The following SHANK1 variants were observed in gnomAD, a reference collection of about 807,000 sequenced individuals.
SHANK1 encodes SH3 and multiple ankyrin repeat domains protein 1.
A neutral mutation model predicts 165.6 loss-of-function variants in SHANK1; 35 were observed. That is an observed-to-expected ratio of 0.21 (90% confidence interval 0.16 to 0.28). The LOEUF (loss-of-function observed/expected upper bound fraction) is 0.28. Ranked by LOEUF, SHANK1 falls within the 10% of genes least tolerant of loss-of-function variation. The probability of loss-of-function intolerance (pLI) is 1.00; values close to 1 mark genes in which losing one functional copy is unlikely to be tolerated. For missense variants in SHANK1, 2,681 were observed against 3,036.4 expected, an observed-to-expected ratio of 0.88 and a Z score of 2.75; for synonymous variants, 1,428 against 1,384.8, an observed-to-expected ratio of 1.03 and a Z score of -0.69.
At chr19:50,689,114 C>T in intron 16 of SHANK1, 83 bp downstream of exon 16, 1 of 1,260,722 alleles carries the variant, frequency 7.9e-7, no homozygotes, top group Non-Finnish European at 1.2e-6. Flanking sequence ...GCTGGGGTCC[C>T]TTCCCCTTTC....
At chr19:50,695,626 A>G (rs1368226666) in intron 15 of SHANK1, among the ~76,000 whole-genome samples, 1 of 151,040 alleles carries the variant, frequency 6.6e-6, no homozygotes, top group Non-Finnish European at 1.5e-5. Flanking sequence ...AGCCGCGTGC[A>G]CGGACGCGCG....
chr19:50,664,213 G>A (rs1223035059), intron 23 of SHANK1, among the ~76,000 whole-genome samples: 1 of 151,502 alleles, frequency 6.6e-6, no homozygotes, highest in Non-Finnish European at 1.5e-5. Flanking sequence ...GACACATTTG[G>A]ATAGCAGACC....
At chr19:50,705,662 T>C (rs2088929791) in intron 8 of SHANK1, among the ~76,000 whole-genome samples, 1 of 152,152 alleles carries the variant, frequency 6.6e-6, no homozygotes, top group African/African-American at 2.4e-5. Context: ...CAACCAAAAA[T>C]GTCTCTAGAC....
chr19:50,669,322 G>C, intron 22 of SHANK1, 37 bp from the exon 23 acceptor site: 11 of 1,426,296 alleles, frequency 7.7e-6, no homozygotes, highest in African/African-American at 1.4e-5. Context: ...GGGGACCCTG[G>C]CGGGGAGGGT....
chr19:50,702,522 G>C lies in SHANK1; in HGVS notation c.1692C>G (p.Ser564=). The C allele has an allele frequency of 6.2e-7, 1 of 1,613,366 alleles. No individual in the cohort carries two copies. Residue 564 remains serine, a synonymous_variant, in exon 12 of 24, where the codon TCC becomes TCG. Transcript: ENST00000293441. The surrounding 1 kb of genome is among the most constrained non-coding windows in gnomAD (Gnocchi z 5.3). ...TCTCCCCCTCGGCTTGGGCCTGGTA[G>C]GACTTCACAGCCATGAAGGAGCGTC... is the stretch of plus-strand genomic sequence containing the variant. ...VPGRSFMAVK[S]YQAQAEGEIS...
chr19:50,676,281 T>C (rs149238914), intron 21 of SHANK1, among the ~76,000 whole-genome samples: 103 of 152,100 alleles, frequency 6.8e-4, no homozygotes, highest in African/African-American at 2.4e-3. Flanking sequence ...CCTGCTTGGG[T>C]AACGGAACAA....
In SHANK1 at chr19:50,697,725, G is replaced by A. The variant is rs576658527; in HGVS notation, c.1862-61C>T. On this transcript the variant is annotated intron_variant, in intron 13 of 23. Transcript: ENST00000293441. The surrounding 1 kb of genome is among the most constrained non-coding windows in gnomAD (Gnocchi z 4.7). ...TTTGGAAACCACAATCCCAGCCCTA[G>A]AGCTCCTGGCCCAAGTCTTCCCATC... 6.4e-7 allele frequency: 1 copy of A among 1,573,928 alleles called. No individual in the cohort carries two copies. Among genetic ancestry groups the A allele is most frequent in the Non-Finnish European group, 8.7e-7 (1 of 1,144,258 alleles).
Position 50,697,621 on chromosome 19 carries a change from G to C in SHANK1, c.1905C>G (p.Thr635=). The C allele has an allele frequency of 1.2e-6, 2 of 1,614,012 alleles. No individual in the cohort carries two copies. The highest frequency in any genetic ancestry group is 1.3e-5 in the African/African-American group (1 of 75,024). ...DKAKRLFRHY[T]VGSYDSFDAP... ...CATCAAAGCTGTCGTAGGAGCCCAC[G>C]GTATAATGCCGGAAGAGTCTCTTTG... The change falls in exon 14 of 24, where the codon ACC becomes ACG. Residue 635 remains threonine (T), a synonymous_variant. Coordinates refer to ENST00000293441, the MANE Select transcript of SHANK1 (RefSeq NM_016148.5). This position sits in a 1 kb window ranked among gnomAD's most constrained non-coding sequence, Gnocchi z 4.7.
Position 50,697,039 on chromosome 19 carries a change from C to CT in SHANK1, c.1964+56_1964+57insA. 1 of 1,465,470 alleles carries CT rather than the reference C, an allele frequency of 6.8e-7. No individual in the cohort carries two copies. Among genetic ancestry groups the CT allele is most frequent in the Non-Finnish European group, 9.6e-7 (1 of 1,044,554 alleles). 90.8% of individuals were successfully genotyped at this position (1,465,470 alleles called of 1,614,324 possible). ...CGTGCACACACGTTCACACGCCCCC[C>CT]AGGCACCCCGTCCTTCCCCTCCTGA... On this transcript the variant is annotated intron_variant, in intron 15 of 23. Transcript: ENST00000293441. The surrounding 1 kb of genome is among the most constrained non-coding windows in gnomAD (Gnocchi z 4.7).
rs934760588 is a variant in SHANK1, at chr19:50,670,471, A to G, written c.2675-1186T>C. The stretch of plus-strand genomic sequence containing the variant: ...ATCCCCTTCAATCTAGTCCCTTCAC[A>G]GCAGCCAGAGGGTTTCTGTTAAAAC... On this transcript the variant is annotated intron_variant, in intron 22 of 23. Transcript: ENST00000293441. The surrounding 1 kb of genome is among the most constrained non-coding windows in gnomAD (Gnocchi z 4.1). 7.2e-5 allele frequency among the ~76,000 whole-genome samples: 11 copies of G among 152,088 alleles called. No homozygotes were observed. Among genetic ancestry groups the G allele is most frequent in the Non-Finnish European group, 1.3e-4 (9 of 68,024 alleles).
chr19:50,702,620 C>G lies in SHANK1; in HGVS notation c.1594G>C (p.Gly532Arg). Reference protein sequence around the residue: ...TPREGPAGGTGGSGGPGGSLG... With the variant: ...TPREGPAGGTRGSGGPGGSLG... ...GAGCCCCCGGGGCCCCCTGAGCCCCCCGTGCCCCCGGCTGGCCCTTCCCGG... is the reference window on the plus strand; with the variant it reads ...GAGCCCCCGGGGCCCCCTGAGCCCCGCGTGCCCCCGGCTGGCCCTTCCCGG... Residue 532 changes from glycine (G) to arginine (R), a missense_variant, in exon 12 of 24, where the codon GGG (glycine) becomes CGG (arginine). By Grantham distance (125) the Gly-to-Arg change is moderately radical. Around this residue, in one of 10 missense-constraint regions of SHANK1, gnomAD observed 195 missense variants for 186.2 expected, o/e 1.05. Coordinates refer to ENST00000293441, the MANE Select transcript of SHANK1 (RefSeq NM_016148.5). The surrounding 1 kb of genome is among the most constrained non-coding windows in gnomAD (Gnocchi z 5.3). 1 of 1,587,486 alleles carries G rather than the reference C, an allele frequency of 6.3e-7. No individual in the cohort carries two copies. The highest frequency in any genetic ancestry group is 8.6e-7 in the Non-Finnish European group (1 of 1,167,796).
intron 4 of SHANK1, among the ~76,000 whole-genome samples, chr19:50,715,296 C>T (rs2089057563): frequency 6.6e-6 from 1 of 151,916 alleles, no homozygotes; most frequent in Non-Finnish European, 1.5e-5. Context: ...GCAGAAGGAC[C>T]TTCAGTGTCA....
chr19:50,711,065 G>C (rs1010271991), intron 8 of SHANK1: 3 of 304,026 alleles, frequency 9.9e-6, no homozygotes, highest in African/African-American at 2.1e-5. Context: ...TTTGCTCTGA[G>C]CACTCTGGAC....
In SHANK1 at chr19:50,662,237, C is replaced by A; in HGVS notation, c.6214G>T (p.Ala2072Ser). The A allele has an allele frequency of 3.7e-6, 6 of 1,610,136 alleles. No homozygotes were observed. The highest frequency in any genetic ancestry group is 5.1e-6 in the Non-Finnish European group (6 of 1,177,506). ...CGGGTCGGTGAGAGGGAGCGCGAGG[C>A]CCCTGACAAGGCTCCCCCGAGCCCC... The part of the protein sequence containing the change: ...SGGLGGALSG[A>S]SRSLSPTRLL... Residue 2072 changes from alanine to serine, a missense_variant, in exon 24 of 24, where the codon GCC (alanine) becomes TCC (serine). Physicochemically the swap from Ala to Ser is moderately conservative, Grantham distance 99. This residue lies in a region of SHANK1 where 1,713 missense variants were observed against 1,630.2 expected (regional missense o/e 1.05). Coordinates refer to ENST00000293441, the MANE Select transcript of SHANK1 (RefSeq NM_016148.5). The surrounding 1 kb of genome is among the most constrained non-coding windows in gnomAD (Gnocchi z 7.7).
chr19:50,703,426 T>C, intron 11 of SHANK1, 74 bp downstream of exon 11: 1 of 1,338,540 alleles, frequency 7.5e-7, no homozygotes, highest in Non-Finnish European at 1.0e-6. Context: ...TGGGCTGGCC[T>C]CGGGGGAAGC....
chr19:50,718,753 G>A lies in SHANK1; in HGVS notation c.-44+653C>T, dbSNP rs1488564683. Among the ~76,000 whole-genome samples the A allele has an allele frequency of 6.8e-6, 1 of 148,010 alleles. No homozygotes were observed. Among genetic ancestry groups the A allele is most frequent in the Non-Finnish European group, 1.5e-5 (1 of 66,646 alleles). ...GCGGAGGGAGGCGGGGAGGGGCGGG[G>A]AGAGAGAGCCGGAGCCGAGGCTGGG... is the stretch of plus-strand genomic sequence containing the variant. On this transcript the variant is annotated intron_variant, in intron 1 of 23. Transcript: ENST00000293441. The surrounding 1 kb of genome is among the most constrained non-coding windows in gnomAD (Gnocchi z 5.1).
At chr19:50,715,548 G>T in intron 4 of SHANK1, 111 bp downstream of exon 4, 1 of 981,426 alleles carries the variant, frequency 1.0e-6, no homozygotes, top group Non-Finnish European at 1.6e-6. Flanking sequence ...GGGATCGCTG[G>T]CTTGGGGAAT....
chr19:50,703,893 T>A, intron 10 of SHANK1, 63 bp from the exon 11 acceptor site: 1 of 668,974 alleles, frequency 1.5e-6, no homozygotes, highest in Non-Finnish European at 2.3e-6. Context: ...CAGGGGGCCA[T>A]GCGGGGGCAA....
At position 50,662,308 on chromosome 19, in the gene SHANK1, T is replaced by C; in HGVS notation, c.6143A>G (p.Asp2048Gly). 1 of 1,608,514 alleles carries C rather than the reference T, an allele frequency of 6.2e-7. No individual in the cohort carries two copies. The highest frequency in any genetic ancestry group is 8.5e-7 in the Non-Finnish European group (1 of 1,177,294). Residue 2048 changes from aspartate to glycine, a missense_variant, in exon 24 of 24, where the codon GAC becomes GGC. Coordinates refer to ENST00000293441, the MANE Select transcript of SHANK1 (RefSeq NM_016148.5). The surrounding 1 kb of genome is among the most constrained non-coding windows in gnomAD (Gnocchi z 7.7). Reference protein sequence around the residue: ...SPTGGAGGSADPFAPVFVPPH... With the variant: ...SPTGGAGGSAGPFAPVFVPPH... ...CGGCACAAAGACTGGGGCGAAGGGG[T>C]CAGCCGAGCCTCCTGCCCCTCCAGT...
Sources: gnomAD v4.1 joint callset for allele counts (sites outside exome capture counted in the v4.1 genomes callset) on GRCh38, gnomAD v4.1.1 for gene constraint, gnomAD v4.1.1 regional missense constraint, Gnocchi (gnomAD v3.1) non-coding constraint, MANE v1.5 for transcripts, NCBI Gene and HGNC (gene_info 2026-07-23, HGNC 2026-07-21) for gene names.